Variants in ECD observed in about 807,000 individuals in gnomAD.
ECD encodes protein ecdysoneless homolog.
Under a neutral mutation model 77.2 loss-of-function variants are expected in ECD, and 59 were observed. That is an observed-to-expected ratio of 0.76 (90% CI 0.62 to 0.95). The LOEUF is 0.95. Ranked by LOEUF, ECD falls within the 40% of genes least tolerant of loss-of-function variation. ECD has a pLI of 0.00. For missense variants in ECD, 704 were observed against 763.4 expected, an observed-to-expected ratio of 0.92 and a Z score of 0.92; for synonymous variants, 233 against 267.4, an observed-to-expected ratio of 0.87 and a Z score of 1.26.
intron 7 of ECD, among the ~76,000 whole-genome samples, chr10:73,151,472 C>T (rs558289727): frequency 4.6e-5 from 7 of 151,120 alleles, no homozygotes; most frequent in Admixed American, 3.3e-4. Flanking sequence ...CGCGTGTATA[C>T]GTATGTAACA....
At chr10:73,151,039 G>A (rs1843195050) in intron 7 of ECD, among the ~76,000 whole-genome samples, 2 of 152,086 alleles carry the variant, frequency 1.3e-5, no homozygotes, top group African/African-American at 4.8e-5. Context: ...TATGCCCAAA[G>A]GATTATAAAT....
chr10:73,136,366 C>CT (rs974536180), intron 13 of ECD, among the ~76,000 whole-genome samples: 5 of 152,164 alleles, frequency 3.3e-5, no homozygotes, highest in African/African-American at 1.2e-4. Flanking sequence ...TGTGCCCTCT[C>CT]TTTTTTAAAA....
intron 13 of ECD, among the ~76,000 whole-genome samples, chr10:73,136,467 TTA>T (rs1842974974): frequency 6.6e-6 from 1 of 152,170 alleles, no homozygotes; most frequent in South Asian, 2.1e-4. Context: ...TTTGAGCATA[TTA>T]TATGACTTTT....
At position 73,156,445 on chromosome 10, in the gene ECD, G is replaced by GAA. The variant is rs1434619046; in HGVS notation, c.418_419dup (p.Cys141SerfsTer32). ...GGATAATACACAATTCCCCATGGCAGAAAAATACCTGCAAACGGTACATTT... is the reference window on the plus strand; with the variant it reads ...GGATAATACACAATTCCCCATGGCAGAAAAAAATACCTGCAAACGGTACATTT... On this transcript the variant is annotated frameshift_variant, in exon 5 of 14. Coordinates refer to ENST00000372979, the MANE Select transcript of ECD (RefSeq NM_007265.3). LOFTEE classifies it high-confidence loss of function. 1.2e-6 allele frequency: 2 copies of GAA among 1,608,064 alleles called. No homozygotes were observed. The highest frequency in any genetic ancestry group is 1.7e-6 in the Non-Finnish European group (2 of 1,177,630).
chr10:73,160,657 A>G, intron 2 of ECD, 106 bp from the exon 3 acceptor site: 1 of 765,450 alleles, frequency 1.3e-6, no homozygotes, highest in Non-Finnish European at 2.0e-6. Flanking sequence ...GATTGCTCTA[A>G]GTACTGGGGA....
intron 1 of ECD, among the ~76,000 whole-genome samples, chr10:73,167,110 A>C (rs765944087): frequency 6.6e-6 from 1 of 152,164 alleles, no homozygotes; most frequent in Non-Finnish European, 1.5e-5. Flanking sequence ...TTTGCTGAAA[A>C]TGAATTCACT....
At chr10:73,155,592 T>C (rs1271702184) in intron 5 of ECD, among the ~76,000 whole-genome samples, 1 of 148,118 alleles carries the variant, frequency 6.8e-6, no homozygotes, top group East Asian at 2.0e-4. Flanking sequence ...ATTAGGTTTC[T>C]ACTTTTTTTT....
chr10:73,152,287 C>T lies in ECD; in HGVS notation c.912+6G>A, dbSNP rs1223813393. 1 of 1,611,718 alleles carries T rather than the reference C, an allele frequency of 6.2e-7. No individual in the cohort carries two copies. ...AAGGAAACAACATTTTCTGGTTCAA[C>T]ATTACCAATTTCATGCCCAATTCAT... is the stretch of plus-strand genomic sequence containing the variant. On this transcript the variant is annotated splice_donor_region_variant and intron_variant, in intron 7 of 13. Coordinates refer to ENST00000372979, the MANE Select transcript of ECD (RefSeq NM_007265.3).
chr10:73,140,501 G>A (rs889415147), intron 9 of ECD, among the ~76,000 whole-genome samples: 1 of 151,048 alleles, frequency 6.6e-6, no homozygotes, highest in Non-Finnish European at 1.5e-5. Context: ...GGCCAACATG[G>A]TGAAACCCCG....
intron 9 of ECD, among the ~76,000 whole-genome samples, chr10:73,144,736 C>G (rs550699152): frequency 2.6e-5 from 4 of 152,082 alleles, no homozygotes; most frequent in Non-Finnish European, 5.9e-5. Context: ...TCCAAGACCC[C>G]TCTCTTGGGG....
intron 1 of ECD, 102 bp from the exon 2 acceptor site, chr10:73,164,052 T>A: frequency 9.8e-7 from 1 of 1,020,264 alleles, no homozygotes; most frequent in Non-Finnish European, 1.4e-6. Context: ...AAAATTTAGT[T>A]AGGCCGGGCA....
Position 73,148,269 on chromosome 10 carries a change from G to A in ECD, c.1041+7C>T, listed in dbSNP as rs373452771. 1.2e-6 allele frequency: 2 copies of A among 1,612,940 alleles called. No individual in the cohort carries two copies. Among genetic ancestry groups the A allele is most frequent in the East Asian group, 2.2e-5 (1 of 44,850 alleles). Reference sequence around the variant, plus strand: ...ATACTTAAAAGCAAATATATTGCAAGTCCTACCTTAAAGTAATCATTCTTT... The same window carrying A: ...ATACTTAAAAGCAAATATATTGCAAATCCTACCTTAAAGTAATCATTCTTT... On this transcript the variant is annotated splice_region_variant and intron_variant, in intron 8 of 13. Coordinates refer to ENST00000372979, the MANE Select transcript of ECD (RefSeq NM_007265.3).
At chr10:73,156,206 C>G in intron 5 of ECD, 69 bp downstream of exon 5, 1 of 1,419,354 alleles carries the variant, frequency 7.0e-7, no homozygotes, top group Non-Finnish European at 9.4e-7. Flanking sequence ...AAACAAAAAT[C>G]AAAGAAAGAC....
Position 73,134,825 on chromosome 10 carries a change from A to AG in ECD, c.1705-13dup, listed in dbSNP as rs1278745816. The AG allele has an allele frequency of 1.2e-6, 2 of 1,610,060 alleles. No homozygotes were observed. Among genetic ancestry groups the AG allele is most frequent in the Non-Finnish European group, 1.7e-6 (2 of 1,176,744 alleles). Reference sequence around the variant, plus strand: ...TGGGATACAGGTTCCTTATTCATAGAGGGAAAAGAAAATTATGGGCTAATG... The same window carrying AG: ...TGGGATACAGGTTCCTTATTCATAGAGGGGAAAAGAAAATTATGGGCTAATG... On this transcript the variant is annotated splice_polypyrimidine_tract_variant and intron_variant, in intron 13 of 13. Coordinates refer to ENST00000372979, the MANE Select transcript of ECD (RefSeq NM_007265.3).
chr10:73,145,289 G>A (rs1024562277), intron 9 of ECD, among the ~76,000 whole-genome samples: 10 of 151,870 alleles, frequency 6.6e-5, no homozygotes, highest in Admixed American at 2.0e-4. Flanking sequence ...ACTTGAACCC[G>A]GGAGGCAGAG....
chr10:73,157,412 T>A (rs546645975), intron 3 of ECD, among the ~76,000 whole-genome samples: 55 of 151,642 alleles, frequency 3.6e-4, no homozygotes, highest in Non-Finnish European at 5.7e-4. Flanking sequence ...TTACATTTTT[T>A]AAAAAAATGT....
rs745682162 is a variant in ECD, at chr10:73,139,754, A to T, written c.1128-17T>A. 1.3e-6 allele frequency: 2 copies of T among 1,507,478 alleles called. No individual in the cohort carries two copies. Among genetic ancestry groups the T allele is most frequent in the Admixed American group, 3.7e-5 (2 of 53,804 alleles). 93.4% of individuals were successfully genotyped at this position (1,507,478 alleles called of 1,614,324 possible). A position where few individuals can be genotyped will look rare whatever the true frequency, so the allele number is the denominator to read the frequency against. On this transcript the variant is annotated splice_polypyrimidine_tract_variant and intron_variant, in intron 9 of 13. Transcript: ENST00000372979. ...GCAAGAGAACTATGAAAAATAAAAA[A>T]CATGAGTATTTCTTCATAAGAGAAC...
intron 13 of ECD, among the ~76,000 whole-genome samples, chr10:73,135,826 A>G (rs1032364927): frequency 6.6e-6 from 1 of 152,158 alleles, no homozygotes; most frequent in African/African-American, 2.4e-5. Context: ...CTATGTTGTA[A>G]CATGATCTTT....
intron 13 of ECD, among the ~76,000 whole-genome samples, chr10:73,135,585 G>A (rs1842966754): frequency 6.6e-6 from 1 of 152,008 alleles, no homozygotes; most frequent in Non-Finnish European, 1.5e-5. Context: ...GCCAGGCACG[G>A]TGGTGCGCAC....
Sources: allele counts gnomAD v4.1 joint callset (sites outside exome capture counted in the v4.1 genomes callset), GRCh38; gene constraint gnomAD v4.1.1; transcripts MANE v1.5; gene names NCBI Gene and HGNC (gene_info 2026-07-23, HGNC 2026-07-21).